The following SV2C variants were observed in gnomAD, a reference collection of about 807,000 sequenced individuals.
The protein encoded by SV2C is synaptic vesicle glycoprotein 2C, also known as solute carrier family 22 member B3.
Under a neutral mutation model 79.7 loss-of-function variants are expected in SV2C, and 49 were observed. That is an observed-to-expected ratio of 0.61 (90% CI 0.49 to 0.78). The LOEUF (loss-of-function observed/expected upper bound fraction) is 0.78, where lower values mean the gene tolerates loss of function less well. Among genes scored for constraint, SV2C ranks in the 30% least tolerant of loss-of-function variants. The pLI, the probability that SV2C is intolerant of heterozygous loss-of-function variation, is 0.00. For synonymous variants in SV2C, 334 were observed against 333.2 expected (o/e 1.00, Z -0.03); for missense variants, 833 against 912.9 (o/e 0.91, Z 1.13).
intron 4 of SV2C, among the ~76,000 whole-genome samples, chr5:76,280,189 A>G (rs1430152260): frequency 6.6e-6 from 1 of 152,090 alleles, no homozygotes; most frequent in Non-Finnish European, 1.5e-5. Flanking sequence ...ATTACAAACA[A>G]ATGGAGAGAG....
intron 12 of SV2C, among the ~76,000 whole-genome samples, chr5:76,304,359 G>A (rs1215489383): frequency 1.3e-5 from 2 of 152,130 alleles, no homozygotes; most frequent in Non-Finnish European, 2.9e-5. Context: ...CCATTTCCAT[G>A]TTTCTCTGGG....
In SV2C at chr5:76,261,033, C is replaced by A. The variant is rs190307705; in HGVS notation, c.914-24129C>A. 2.0e-3 allele frequency among the ~76,000 whole-genome samples: 303 copies of A among 152,252 alleles called. 2 individuals carry two copies. The highest frequency in any genetic ancestry group is 7.1e-3 in the African/African-American group (293 of 41,548). On this transcript the variant is annotated intron_variant, in intron 4 of 12. Transcript: ENST00000502798. Reference sequence around the variant, plus strand: ...CATTGAATCTATAAATTACTTTGGGCAGTATAGCTATTTCCACGATATTGA... The same window carrying A: ...CATTGAATCTATAAATTACTTTGGGAAGTATAGCTATTTCCACGATATTGA...
chr5:75,993,801 T>C, the SV2C span, among the ~76,000 whole-genome samples: 2 of 151,998 alleles, frequency 1.3e-5, no homozygotes, highest in Non-Finnish European at 1.5e-5. Flanking sequence ...GCTTTTCACG[T>C]GATGTCATCC....
chr5:76,155,164 T>C (rs6889023), intron 2 of SV2C, among the ~76,000 whole-genome samples: 72,260 of 152,066 alleles, frequency 0.48, 17,393 homozygotes, highest in South Asian at 0.52. Context: ...TTCTAAGTTA[T>C]TTGTTTAGAA....
Position 76,116,722 on chromosome 5 carries a change from C to T in SV2C, c.-101-14928C>T, listed in dbSNP as rs138724937. The stretch of plus-strand genomic sequence containing the variant: ...TTGGCCATTGGATGGAAGAGAATGT[C>T]TCACTGTTACTTAAGAGCAGGAATT... On this transcript the variant is annotated intron_variant, in intron 1 of 12. Transcript: ENST00000502798. Among the ~76,000 whole-genome samples the T allele has an allele frequency of 3.1e-3, 465 of 152,298 alleles. 4 individuals carry two copies. The highest frequency in any genetic ancestry group is 8.7e-3 in the African/African-American group (360 of 41,568).
At chr5:76,190,389 C>G (rs1160457296) in intron 2 of SV2C, among the ~76,000 whole-genome samples, 1 of 152,162 alleles carries the variant, frequency 6.6e-6, no homozygotes, top group African/African-American at 2.4e-5. Context: ...TGAATGCACC[C>G]AGTCTCATCA....
At chr5:75,945,629 T>A in the SV2C span, among the ~76,000 whole-genome samples, 2 of 152,044 alleles carry the variant, frequency 1.3e-5, no homozygotes, top group Non-Finnish European at 2.9e-5. Context: ...AAAATATACA[T>A]TATTTTTAAG....
chr5:76,073,788 T>C, the SV2C span, among the ~76,000 whole-genome samples: 1 of 151,764 alleles, frequency 6.6e-6, no homozygotes, highest in Admixed American at 6.6e-5. Context: ...GACTACACAT[T>C]GGGTACAATG....
intron 4 of SV2C, among the ~76,000 whole-genome samples, chr5:76,282,198 C>A (rs562791847): frequency 1.6e-4 from 25 of 152,178 alleles, no homozygotes; most frequent in African/African-American, 6.0e-4. Context: ...ATATAATAAG[C>A]AAATTGATAT....
chr5:76,337,460 G>A (rs537831950), downstream of SV2C, among the ~76,000 whole-genome samples: 7 of 152,252 alleles, frequency 4.6e-5, no homozygotes, highest in East Asian at 1.9e-4. Flanking sequence ...TTCAACATAC[G>A]AATTTGGGAA....
chr5:76,133,663 A>G (rs1402792495), intron 2 of SV2C, among the ~76,000 whole-genome samples: 1 of 152,208 alleles, frequency 6.6e-6, no homozygotes, highest in African/African-American at 2.4e-5. Context: ...TTTTGCTGGT[A>G]CACTCATTTG....
intron 2 of SV2C, among the ~76,000 whole-genome samples, chr5:76,170,695 CATT>C (rs1290603996): frequency 6.7e-6 from 1 of 149,938 alleles, no homozygotes; most frequent in Non-Finnish European, 1.5e-5. Context: ...TAATCTAAGA[CATT>C]ATACTGAAAG....
chr5:75,934,302 C>CTTTCTT, the SV2C span, among the ~76,000 whole-genome samples: 1 of 107,836 alleles, frequency 9.3e-6, no homozygotes, highest in African/African-American at 4.2e-5. Flanking sequence ...TTCTTTCTTT[C>CTTTCTT]TTTTTTTTTT....
intron 4 of SV2C, chr5:76,242,218 C>T: frequency 1.3e-5 from 13 of 974,490 alleles, no homozygotes; most frequent in Middle Eastern, 4.2e-4. Flanking sequence ...CAGACAACCT[C>T]GCGGATCTTC....
At chr5:75,987,873 T>C in the SV2C span, among the ~76,000 whole-genome samples, 1 of 152,028 alleles carries the variant, frequency 6.6e-6, no homozygotes, top group Non-Finnish European at 1.5e-5. Flanking sequence ...CTAGTGTTAG[T>C]GTTAGGGTGT....
the SV2C span, among the ~76,000 whole-genome samples, chr5:75,989,138 T>C: frequency 2.0e-5 from 3 of 151,954 alleles, no homozygotes; most frequent in Non-Finnish European, 2.9e-5. Context: ...ACCACCTTTT[T>C]TTCTTTTCCT....
chr5:76,136,994 G>T (rs1259942746), intron 2 of SV2C, among the ~76,000 whole-genome samples: 1 of 152,170 alleles, frequency 6.6e-6, no homozygotes, highest in Non-Finnish European at 1.5e-5. Context: ...GCAGCAGTGT[G>T]GAGAGAGAAT....
intron 2 of SV2C, among the ~76,000 whole-genome samples, chr5:76,155,244 G>A (rs574941591): frequency 6.6e-6 from 1 of 152,272 alleles, no homozygotes; most frequent in South Asian, 2.1e-4. Flanking sequence ...AGTGAATTTG[G>A]GATGCCGAGA....
intron 4 of SV2C, among the ~76,000 whole-genome samples, chr5:76,235,816 T>C (rs1745592821): frequency 6.6e-6 from 1 of 152,208 alleles, no homozygotes; most frequent in Non-Finnish European, 1.5e-5. Flanking sequence ...TTAGTACATT[T>C]CATTAATTGC....
Sources: allele counts gnomAD v4.1 joint callset (sites outside exome capture counted in the v4.1 genomes callset), GRCh38; gene constraint gnomAD v4.1.1; transcripts MANE v1.5; gene names NCBI Gene and HGNC (gene_info 2026-07-23, HGNC 2026-07-21).